The following COL11A1 variants were observed in gnomAD, a reference collection of about 807,000 sequenced individuals.
COL11A1 encodes collagen alpha-1(XI) chain.
Under a neutral mutation model 265.2 loss-of-function variants are expected in COL11A1, and 74 were observed. The ratio of observed to expected loss-of-function variants is 0.28; its 90% CI spans 0.23 to 0.34. The LOEUF is 0.34. Among genes scored for constraint, COL11A1 ranks in the 10% least tolerant of loss-of-function variants. The probability of loss-of-function intolerance (pLI) is 1.00; values close to 1 mark genes in which losing one functional copy is unlikely to be tolerated. For missense variants in COL11A1, 2,165 were observed against 2,263.6 expected (o/e 0.96, Z 0.88); for synonymous variants, 816 against 727.6 (o/e 1.12, Z -1.96).
intron 29 of COL11A1, 24 bp downstream of exon 29, chr1:102,989,494 G>A (rs752509282): frequency 2.0e-6 from 3 of 1,525,470 alleles, no homozygotes; most frequent in Non-Finnish European, 2.7e-6. Context: ...TTTGTGTACT[G>A]GTGTACATTT....
intron 54 of COL11A1, among the ~76,000 whole-genome samples, chr1:102,906,426 G>C (rs12142137): frequency 0.059 from 9,029 of 152,146 alleles, 329 homozygotes; most frequent in Non-Finnish European, 0.085. Flanking sequence ...TTGTTTTCTT[G>C]AGAGAGGGTC....
At chr1:102,900,631 C>T (rs985748685) in intron 54 of COL11A1, among the ~76,000 whole-genome samples, 22 of 152,090 alleles carry the variant, frequency 1.4e-4, no homozygotes, top group African/African-American at 5.3e-4. Flanking sequence ...AAAAAGCAAG[C>T]CATCTATTGT....
intron 46 of COL11A1, among the ~76,000 whole-genome samples, chr1:102,927,469 C>A (rs1439638504): frequency 1.3e-5 from 2 of 152,110 alleles, no homozygotes; most frequent in Admixed American, 6.5e-5. Flanking sequence ...GTAATCCCAG[C>A]ACTTTGGGAG....
chr1:103,108,384 C>CCCCACCGGCCGGGA lies in COL11A1; in HGVS notation c.-220_-207dup, dbSNP rs1674883236. ...GCCCTTTCCTCTCCCTCTGAGTTGG[C>CCCCACCGGCCGGGA]CCCACCGGCCGGGACCCTCCGGCCG... On this transcript the variant is annotated 5_prime_UTR_variant, in exon 1 of 67. Coordinates refer to ENST00000370096, the MANE Select transcript of COL11A1 (RefSeq NM_001854.4). 1 of 628,670 alleles carries CCCCACCGGCCGGGA rather than the reference C, an allele frequency of 1.6e-6. No individual in the cohort carries two copies. The highest frequency in any genetic ancestry group is 2.9e-6 in the Non-Finnish European group (1 of 349,446). 38.9% of individuals were successfully genotyped at this position (628,670 alleles called of 1,614,324 possible). A position where few individuals can be genotyped will look rare whatever the true frequency, so the allele number is the denominator to read the frequency against.
intron 10 of COL11A1, 29 bp from the exon 11 acceptor site, chr1:103,017,911 A>G: frequency 2.6e-6 from 4 of 1,543,402 alleles, no homozygotes; most frequent in Non-Finnish European, 3.6e-6. Context: ...TATCTTAATC[A>G]GATTCCTAAT....
intron 32 of COL11A1, 30 bp from the exon 33 acceptor site, chr1:102,979,134 A>G (rs112773202): frequency 1.9e-6 from 3 of 1,597,776 alleles, no homozygotes; most frequent in African/African-American, 1.3e-5. Flanking sequence ...TTCAATATGC[A>G]GTATATCACA....
rs536137248 is a variant in COL11A1, at chr1:102,987,264, A to ATG, written c.2502+368_2502+369insCA. Among the ~76,000 whole-genome samples the ATG allele has an allele frequency of 2.9e-3, 447 of 151,694 alleles. 5 individuals carry two copies. The highest frequency in any genetic ancestry group is 9.9e-3 in the African/African-American group (410 of 41,450). On this transcript the variant is annotated intron_variant, in intron 30 of 66. Coordinates refer to ENST00000370096, the MANE Select transcript of COL11A1 (RefSeq NM_001854.4). ...ACATATACATGTAGGATATATATATATATGTATGTATATGAAAGAAAAGGA... is the reference window on the plus strand; with the variant it reads ...ACATATACATGTAGGATATATATATATGTATGTATGTATATGAAAGAAAAGGA...
chr1:103,028,839 T>A (rs1052246283), intron 5 of COL11A1, among the ~76,000 whole-genome samples: 2 of 152,178 alleles, frequency 1.3e-5, no homozygotes, highest in Non-Finnish European at 2.9e-5. Flanking sequence ...TCTGTTTTCA[T>A]CCTTTTTTAA....
Position 103,002,731 on chromosome 1 carries a change from A to G in COL11A1, c.2043+16T>C. ...ATATTCAAATATGAGTTATTTTATC[A>G]CTATTTGCTACATACCATGTTCCCT... is the stretch of plus-strand genomic sequence containing the variant. On this transcript the variant is annotated intron_variant, in intron 22 of 66. Transcript: ENST00000370096. The G allele has an allele frequency of 5.0e-6, 8 of 1,604,232 alleles. No individual in the cohort carries two copies. The highest frequency in any genetic ancestry group is 6.0e-6 in the Non-Finnish European group (7 of 1,171,092).
At chr1:102,942,562 TA>T (rs35023789) in intron 42 of COL11A1, among the ~76,000 whole-genome samples, 78,056 of 151,952 alleles carry the variant, frequency 0.51, 21,594 homozygotes, top group East Asian at 0.86. Flanking sequence ...ACATTCCATT[TA>T]CGTTAATAAC....
chr1:102,939,778 A>G (rs899369614), intron 43 of COL11A1, among the ~76,000 whole-genome samples: 3 of 152,116 alleles, frequency 2.0e-5, no homozygotes, highest in African/African-American at 7.2e-5. Context: ...AGATGCTAAA[A>G]TGATGCACAT....
chr1:102,972,523 TC>T (rs1662064485), intron 36 of COL11A1, among the ~76,000 whole-genome samples: 1 of 152,284 alleles, frequency 6.6e-6, no homozygotes, highest in East Asian at 1.9e-4. Flanking sequence ...AGTATGTACT[TC>T]TAATATCAAG....
rs397514455 is a variant in COL11A1 at position 102,946,884 on chromosome 1, C to G, written c.3241G>C (p.Gly1081Arg). Residue 1081 changes from glycine (G) to arginine (R), a missense_variant, in exon 42 of 67, where the codon GGT (glycine) becomes CGT (arginine). Gly to Arg is a moderately radical substitution (Grantham distance 125, BLOSUM62 -2). Coordinates refer to ENST00000370096, the MANE Select transcript of COL11A1 (RefSeq NM_001854.4). ...TTCTCTCCAGCTGGACCAGGAGGAC[C>G]CTGAGGTCCCGGGCGCCCTGGTAAA... ...IGLPGRPGPQGPPGPAGEKGA... is the reference protein window; with the variant it reads ...IGLPGRPGPQRPPGPAGEKGA... 1.2e-6 allele frequency: 2 copies of G among 1,613,448 alleles called. No homozygotes were observed. Among genetic ancestry groups the G allele is most frequent in the Admixed American group, 3.3e-5 (2 of 59,904 alleles).
chr1:103,012,975 G>T (rs1199568478), intron 13 of COL11A1, among the ~76,000 whole-genome samples: 1 of 152,046 alleles, frequency 6.6e-6, no homozygotes, highest in Non-Finnish European at 1.5e-5. Context: ...CTATAGAGAA[G>T]AATGTTTTAT....
At chr1:102,891,021 G>C (rs1337237402) in intron 57 of COL11A1, among the ~76,000 whole-genome samples, 11 of 151,948 alleles carry the variant, frequency 7.2e-5, no homozygotes, top group Non-Finnish European at 1.6e-4. Flanking sequence ...ATGTTAGAAT[G>C]GTTGCCTAAT....
intron 4 of COL11A1, among the ~76,000 whole-genome samples, chr1:103,055,210 T>C (rs190956951): frequency 1.4e-3 from 212 of 152,308 alleles, no homozygotes; most frequent in African/African-American, 4.9e-3. Flanking sequence ...TTCATCATTA[T>C]TATAATCTTT....
chr1:102,986,825 G>GT (rs1156244470), intron 30 of COL11A1, among the ~76,000 whole-genome samples: 3 of 151,956 alleles, frequency 2.0e-5, no homozygotes, highest in Non-Finnish European at 2.9e-5. Flanking sequence ...ATAATGCCCC[G>GT]TGTCTCTCAA....
intron 4 of COL11A1, among the ~76,000 whole-genome samples, chr1:103,033,772 A>G (rs1668158020): frequency 6.6e-6 from 1 of 152,146 alleles, no homozygotes; most frequent in Admixed American, 6.6e-5. Context: ...TTTATTAGTG[A>G]ACATTCTTTT....
chr1:102,946,050 C>G (rs1450013016), intron 42 of COL11A1, among the ~76,000 whole-genome samples: 1 of 139,998 alleles, frequency 7.1e-6, no homozygotes, highest in South Asian at 2.5e-4. Flanking sequence ...AATTGGAAAT[C>G]ATCATTCTCA....
Sources: gnomAD v4.1 joint callset for allele counts (sites outside exome capture counted in the v4.1 genomes callset) on GRCh38, gnomAD v4.1.1 for gene constraint, MANE v1.5 for transcripts, NCBI Gene and HGNC (gene_info 2026-07-23, HGNC 2026-07-21) for gene names.